The following GRID2 variants were observed in gnomAD, a reference collection of about 807,000 sequenced individuals.
The protein encoded by GRID2 is glutamate ionotropic receptor delta type subunit 2.
A neutral mutation model predicts 114.8 loss-of-function variants in GRID2; 33 were observed. The ratio of observed to expected loss-of-function variants is 0.29; its 90% CI spans 0.22 to 0.38. GRID2 has a LOEUF of 0.38. Among genes scored for constraint, GRID2 ranks in the 10% least tolerant of loss-of-function variants. GRID2 has a pLI of 1.00. For synonymous variants in GRID2, 505 were observed against 449.9 expected, an observed-to-expected ratio of 1.12 and a Z score of -1.55; for missense variants, 1,184 against 1,257.7, an observed-to-expected ratio of 0.94 and a Z score of 0.89.
chr4:93,650,532 A>C (rs1409013377), intron 14 of GRID2, among the ~76,000 whole-genome samples: 3 of 152,188 alleles, frequency 2.0e-5, no homozygotes, highest in Non-Finnish European at 4.4e-5. Context: ...CACAAAAATA[A>C]GAAATGTGCA....
chr4:93,573,370 T>C (rs528980862), intron 13 of GRID2, among the ~76,000 whole-genome samples: 2 of 152,324 alleles, frequency 1.3e-5, no homozygotes, highest in East Asian at 3.9e-4. Flanking sequence ...GGCACAGTGC[T>C]ATACATGTTA....
intron 4 of GRID2, among the ~76,000 whole-genome samples, chr4:93,201,161 T>G (rs1373079875): frequency 6.6e-6 from 1 of 152,202 alleles, no homozygotes; most frequent in Non-Finnish European, 1.5e-5. Flanking sequence ...ATAGTATATA[T>G]TAATATGATT....
chr4:92,990,616 AT>A (rs1382409192), intron 2 of GRID2, among the ~76,000 whole-genome samples: 1 of 151,812 alleles, frequency 6.6e-6, no homozygotes, highest in Non-Finnish European at 1.5e-5. Context: ...CACCCATCAC[AT>A]TTTCTGGCCA....
intron 1 of GRID2, among the ~76,000 whole-genome samples, chr4:92,565,851 T>C (rs541249519): frequency 6.6e-6 from 1 of 152,206 alleles, no homozygotes; most frequent in African/African-American, 2.4e-5. Context: ...GTTATTGCTG[T>C]GTAACAAATT....
At chr4:92,840,354 G>A (rs1373465556) in intron 2 of GRID2, among the ~76,000 whole-genome samples, 1 of 151,674 alleles carries the variant, frequency 6.6e-6, no homozygotes, top group Non-Finnish European at 1.5e-5. Context: ...CTTAACTCCT[G>A]CCATTTTTTT....
intron 14 of GRID2, among the ~76,000 whole-genome samples, chr4:93,700,057 A>G (rs949344266): frequency 6.6e-6 from 1 of 152,162 alleles, no homozygotes; most frequent in Non-Finnish European, 1.5e-5. Flanking sequence ...CCCTAAAAAA[A>G]CAACAGGATC....
chr4:92,353,557 A>G (rs1728175061), intron 1 of GRID2, among the ~76,000 whole-genome samples: 1 of 152,012 alleles, frequency 6.6e-6, no homozygotes. Flanking sequence ...TGCAGAGACC[A>G]TATTTCTCGT....
At chr4:93,522,924 G>A (rs191783555) in intron 13 of GRID2, among the ~76,000 whole-genome samples, 3 of 152,076 alleles carry the variant, frequency 2.0e-5, no homozygotes, top group Admixed American at 6.6e-5. Context: ...TAATCAAATC[G>A]CCAAGAAGAA....
Position 93,772,203 on chromosome 4 carries a change from T to C in GRID2, c.2729T>C (p.Leu910Ser). 1 of 1,614,106 alleles carries C rather than the reference T, an allele frequency of 6.2e-7. No individual in the cohort carries two copies. The highest frequency in any genetic ancestry group is 8.5e-7 in the Non-Finnish European group (1 of 1,179,988). Reference sequence around the variant, plus strand: ...TTGACCCCTCTGGACATTGACACTTTGCCAACACGACAAGCACTGGAGCAA... The same window carrying C: ...TTGACCCCTCTGGACATTGACACTTCGCCAACACGACAAGCACTGGAGCAA... ...IDLTPLDIDTLPTRQALEQIS... is the reference protein window; with the variant it reads ...IDLTPLDIDTSPTRQALEQIS... Residue 910 changes from leucine (L) to serine (S), a missense_variant, in exon 16 of 16, where the codon TTG (leucine) becomes TCG (serine). This residue lies in a region of GRID2 where 717 missense variants were observed against 796.9 expected (regional missense o/e 0.90). Transcript: ENST00000282020.
At chr4:93,159,762 T>C (rs1166452373) in intron 4 of GRID2, among the ~76,000 whole-genome samples, 3 of 150,230 alleles carry the variant, frequency 2.0e-5, no homozygotes, top group African/African-American at 7.3e-5. Context: ...AAAGACATCA[T>C]TTATTTAGTA....
At chr4:92,803,108 C>T (rs1053632741) in intron 2 of GRID2, among the ~76,000 whole-genome samples, 2 of 151,804 alleles carry the variant, frequency 1.3e-5, no homozygotes, top group African/African-American at 4.8e-5. Flanking sequence ...GAGGGATGTT[C>T]ACAATCTTTT....
At chr4:93,723,265 G>A (rs1201846043) in intron 14 of GRID2, among the ~76,000 whole-genome samples, 1 of 152,058 alleles carries the variant, frequency 6.6e-6, no homozygotes, top group Non-Finnish European at 1.5e-5. Context: ...AAGAATATTA[G>A]TATTACCAAA....
intron 2 of GRID2, among the ~76,000 whole-genome samples, chr4:92,880,429 A>G (rs1391515647): frequency 6.6e-6 from 1 of 152,180 alleles, no homozygotes; most frequent in Non-Finnish European, 1.5e-5. Flanking sequence ...CCTTCTGACT[A>G]GATATCAAAT....
chr4:93,362,988 G>C (rs939797202), intron 8 of GRID2, among the ~76,000 whole-genome samples: 1 of 152,178 alleles, frequency 6.6e-6, no homozygotes, highest in Non-Finnish European at 1.5e-5. Flanking sequence ...GACAGGCTGA[G>C]GCAGGTTGAT....
chr4:92,522,417 A>C (rs906862353), intron 1 of GRID2, among the ~76,000 whole-genome samples: 1 of 152,000 alleles, frequency 6.6e-6, no homozygotes, highest in Non-Finnish European at 1.5e-5. Context: ...TGAGTCAAAC[A>C]GAAAATCACT....
intron 11 of GRID2, among the ~76,000 whole-genome samples, chr4:93,456,696 A>C (rs969151676): frequency 1.3e-5 from 2 of 150,458 alleles, no homozygotes; most frequent in African/African-American, 2.4e-5. Context: ...AGTCTCTTGC[A>C]AGCTCTACAC....
intron 8 of GRID2, among the ~76,000 whole-genome samples, chr4:93,274,390 A>T (rs1751825630): frequency 6.6e-6 from 1 of 152,102 alleles, no homozygotes; most frequent in Non-Finnish European, 1.5e-5. Context: ...AAGCTACGAG[A>T]CTGGATTTCA....
intron 13 of GRID2, among the ~76,000 whole-genome samples, chr4:93,612,878 G>A (rs1299980141): frequency 1.5e-4 from 21 of 143,696 alleles, no homozygotes; most frequent in East Asian, 8.0e-4. Flanking sequence ...GATTGGGGAA[G>A]TTCTCCAGGA....
chr4:93,401,212 A>G (rs1266912263), intron 9 of GRID2, among the ~76,000 whole-genome samples: 1 of 139,390 alleles, frequency 7.2e-6, no homozygotes, highest in Non-Finnish European at 1.5e-5. Flanking sequence ...TACACAATAG[A>G]GCATTTTTTT....
Sources: gnomAD v4.1 joint callset for allele counts (sites outside exome capture counted in the v4.1 genomes callset) on GRCh38, gnomAD v4.1.1 for gene constraint, gnomAD v4.1.1 regional missense constraint, MANE v1.5 for transcripts, NCBI Gene and HGNC (gene_info 2026-07-23, HGNC 2026-07-21) for gene names.